GRID2: variants seen among roughly 807,000 people sequenced by gnomAD.
The protein encoded by GRID2 is glutamate ionotropic receptor delta type subunit 2.
A neutral mutation model predicts 114.8 loss-of-function variants in GRID2; 33 were observed. The ratio of observed to expected loss-of-function variants is 0.29; its 90% CI spans 0.22 to 0.38. GRID2 has a LOEUF of 0.38. Ranked by LOEUF, GRID2 falls within the 10% of genes least tolerant of loss-of-function variation. GRID2 has a pLI of 1.00. For missense variants in GRID2, 1,184 were observed against 1,257.7 expected, an observed-to-expected ratio of 0.94 and a Z score of 0.89; for synonymous variants, 505 against 449.9, an observed-to-expected ratio of 1.12 and a Z score of -1.55.
intron 1 of GRID2, among the ~76,000 whole-genome samples, chr4:92,498,835 C>G (rs1311800167): frequency 2.0e-5 from 3 of 150,402 alleles, no homozygotes; most frequent in Admixed American, 2.0e-4. Context: ...CATACATAAT[C>G]ATTCATATAT....
chr4:93,181,468 C>G (rs537620471), intron 4 of GRID2, among the ~76,000 whole-genome samples: 1 of 152,258 alleles, frequency 6.6e-6, no homozygotes, highest in South Asian at 2.1e-4. Context: ...TATATTAACC[C>G]TAACAGGATG....
chr4:92,358,633 A>T (rs2110196973), intron 1 of GRID2, among the ~76,000 whole-genome samples: 1 of 152,054 alleles, frequency 6.6e-6, no homozygotes, highest in Admixed American at 6.6e-5. Context: ...AATTATATCA[A>T]AAGGGATAAC....
chr4:93,628,796 G>A (rs765575406), intron 14 of GRID2, among the ~76,000 whole-genome samples: 16 of 132,690 alleles, frequency 1.2e-4, no homozygotes, highest in African/African-American at 3.4e-4. Context: ...ACATTGTTTC[G>A]CTCTTGTCAC....
intron 14 of GRID2, among the ~76,000 whole-genome samples, chr4:93,684,637 C>T (rs1468811517): frequency 2.0e-5 from 3 of 151,980 alleles, no homozygotes; most frequent in African/African-American, 7.2e-5. Flanking sequence ...GACTAAGAAA[C>T]ATCGAGGGTA....
intron 8 of GRID2, among the ~76,000 whole-genome samples, chr4:93,250,768 A>ATAT (rs976220154): frequency 6.8e-6 from 1 of 146,128 alleles, no homozygotes; most frequent in African/African-American, 2.6e-5. Flanking sequence ...ATATATATAT[A>ATAT]AAAAAAGTGT....
At chr4:92,910,550 GA>G (rs1164264579) in intron 2 of GRID2, among the ~76,000 whole-genome samples, 10 of 152,114 alleles carry the variant, frequency 6.6e-5, no homozygotes, top group Admixed American at 5.2e-4. Flanking sequence ...GAGAGATAAG[GA>G]ACTGTACTGA....
chr4:92,947,438 T>A (rs1310022515), intron 2 of GRID2, among the ~76,000 whole-genome samples: 1 of 152,002 alleles, frequency 6.6e-6, no homozygotes, highest in African/African-American at 2.4e-5. Context: ...TTGTCAATTT[T>A]CCATTTTGTA....
intron 1 of GRID2, among the ~76,000 whole-genome samples, chr4:92,377,269 A>G (rs1425900777): frequency 1.3e-5 from 2 of 152,132 alleles, no homozygotes; most frequent in East Asian, 3.9e-4. Flanking sequence ...AGTTCCACAC[A>G]TCTCTGGGAT....
At chr4:92,339,581 G>A (rs1727367267) in intron 1 of GRID2, among the ~76,000 whole-genome samples, 1 of 152,082 alleles carries the variant, frequency 6.6e-6, no homozygotes, top group African/African-American at 2.4e-5. Context: ...ATTTAAACAT[G>A]AGCAAAGGAG....
At chr4:93,560,306 G>A (rs1734799457) in intron 13 of GRID2, among the ~76,000 whole-genome samples, 1 of 147,872 alleles carries the variant, frequency 6.8e-6, no homozygotes, top group African/African-American at 2.5e-5. Context: ...GGTTTAATTG[G>A]CTCATGGTTC....
At chr4:93,380,657 C>T (rs1236070306) in intron 8 of GRID2, among the ~76,000 whole-genome samples, 1 of 151,750 alleles carries the variant, frequency 6.6e-6, no homozygotes, top group Non-Finnish European at 1.5e-5. Context: ...GAGAATATCC[C>T]TCATATATGT....
intron 8 of GRID2, among the ~76,000 whole-genome samples, chr4:93,278,727 A>C (rs1025303829): frequency 3.3e-5 from 5 of 151,984 alleles, no homozygotes; most frequent in African/African-American, 1.2e-4. Flanking sequence ...GAAAACTCTT[A>C]TTATAAGATC....
chr4:93,410,356 T>A (rs1187588906), intron 9 of GRID2, among the ~76,000 whole-genome samples: 3 of 152,232 alleles, frequency 2.0e-5, no homozygotes, highest in Admixed American at 2.0e-4. Flanking sequence ...CTTTGTCATT[T>A]ATTTTTATCC....
In GRID2 at chr4:93,552,565, C is replaced by T. The variant is rs201920521; in HGVS notation, c.2193+37154C>T. Among the ~76,000 whole-genome samples, 45 of 152,162 alleles carry T rather than the reference C, an allele frequency of 3.0e-4. No homozygotes were observed. The East Asian group carries it at 4.8e-3, about 16-fold the overall frequency. ...TGTTGTTTCCTGACTTTTTAGTGGT[C>T]GCCATTCTAACTGGTGTGAGATGAT... On this transcript the variant is annotated intron_variant, in intron 13 of 15. Transcript: ENST00000282020.
intron 4 of GRID2, among the ~76,000 whole-genome samples, chr4:93,206,284 C>T (rs1415116601): frequency 1.3e-5 from 2 of 151,692 alleles, no homozygotes; most frequent in Non-Finnish European, 2.9e-5. Flanking sequence ...GAGTCACATA[C>T]CAAATATATT....
chr4:92,415,677 A>ATGGCG (rs1350880350), intron 1 of GRID2, among the ~76,000 whole-genome samples: 1 of 143,164 alleles, frequency 7.0e-6, no homozygotes, highest in African/African-American at 2.6e-5. Context: ...GTAGTATTCC[A>ATGGCG]TGGCGTGTGT....
chr4:92,418,467 T>G (rs979557307), intron 1 of GRID2, among the ~76,000 whole-genome samples: 1 of 152,032 alleles, frequency 6.6e-6, no homozygotes, highest in African/African-American at 2.4e-5. Flanking sequence ...AATGTTACAC[T>G]GGCTGTAGTG....
intron 2 of GRID2, among the ~76,000 whole-genome samples, chr4:93,031,681 C>G (rs1560811789): frequency 6.6e-6 from 1 of 151,934 alleles, no homozygotes; most frequent in Non-Finnish European, 1.5e-5. Flanking sequence ...AGATGATGTC[C>G]TTTGCTCTTC....
intron 13 of GRID2, among the ~76,000 whole-genome samples, chr4:93,535,982 C>T (rs761659219): frequency 2.0e-5 from 3 of 151,608 alleles, no homozygotes; most frequent in Non-Finnish European, 4.4e-5. Flanking sequence ...TAAATTTATG[C>T]CAAGATAAAT....
Sources: allele counts gnomAD v4.1 joint callset (sites outside exome capture counted in the v4.1 genomes callset), GRCh38; gene constraint gnomAD v4.1.1; transcripts MANE v1.5; gene names NCBI Gene and HGNC (gene_info 2026-07-23, HGNC 2026-07-21).